SREBF1: variants seen among roughly 807,000 people sequenced by gnomAD.
The protein encoded by SREBF1 is sterol regulatory element-binding protein 1.
Under a neutral mutation model 100.1 loss-of-function variants are expected in SREBF1, and 45 were observed. That is an observed-to-expected ratio of 0.45 (90% CI 0.35 to 0.58). SREBF1 has a LOEUF of 0.58. Among genes scored for constraint, SREBF1 ranks in the 20% least tolerant of loss-of-function variants. The pLI is 0.00. For missense variants in SREBF1, 1,324 were observed against 1,539.4 expected (o/e 0.86, Z 2.34); for synonymous variants, 657 against 681.8 (o/e 0.96, Z 0.57).
chr17:17,829,203 A>AT (rs1555572767), intron 1 of SREBF1, among the ~76,000 whole-genome samples: 2 of 36,122 alleles, frequency 5.5e-5, no homozygotes, highest in South Asian at 1.2e-3. Context: ...AAAAAAAAAA[A>AT]AAATATATAT....
chr17:17,815,902 T>G lies in SREBF1; in HGVS notation c.2341A>C (p.Ser781Arg). 1 of 1,612,986 alleles carries G rather than the reference T, an allele frequency of 6.2e-7. No individual in the cohort carries two copies. The highest frequency in any genetic ancestry group is 2.2e-5 in the East Asian group (1 of 44,876). Reference protein sequence around the residue: ...FFVDGDWSVLSTPWESLYSLA... With the variant: ...FFVDGDWSVLRTPWESLYSLA... ...CTGTACAGGCTCTCCCATGGGGTACTGAGCACGGACCAGTCCCCATCCACG... is the reference window on the plus strand; with the variant it reads ...CTGTACAGGCTCTCCCATGGGGTACGGAGCACGGACCAGTCCCCATCCACG... The change falls in exon 12 of 19, where the codon AGT (serine) becomes CGT (arginine). Residue 781 changes from serine (S) to arginine (R), a missense_variant. Transcript: ENST00000261646.
chr17:17,819,488 T>G (rs751097981), intron 3 of SREBF1, 34 bp from the exon 4 acceptor site: 1 of 1,613,394 alleles, frequency 6.2e-7, no homozygotes, highest in Non-Finnish European at 8.5e-7. Context: ...GTAAGCTGTG[T>G]GTCTGGGCTG....
At position 17,819,572 on chromosome 17, in the gene SREBF1, G is replaced by A. The variant is rs70937019; in HGVS notation, c.677C>T (p.Thr226Met). ...VTAAPTAAPV[T>M]TTVTSQIQQV... is the part of the protein sequence containing the mutation. Reference sequence around the variant, plus strand: ...CTGGATCTGCGAGGTCACAGTGGTCGTTACAGGGGCTGCCGTGGGGGCAGC... The same window carrying A: ...CTGGATCTGCGAGGTCACAGTGGTCATTACAGGGGCTGCCGTGGGGGCAGC... The change falls in exon 3 of 19, where the codon ACG becomes ATG. Residue 226 changes from threonine to methionine, a missense_variant. Thr to Met is a moderately conservative substitution (Grantham distance 81, BLOSUM62 -1). Transcript: ENST00000261646. 368 of 1,613,742 alleles carry A rather than the reference G, an allele frequency of 2.3e-4. No homozygotes were observed. The highest frequency in any genetic ancestry group is 2.9e-4 in the Non-Finnish European group (338 of 1,180,002).
rs1168425356 is a variant in SREBF1, at chr17:17,824,989, A to G, written c.92-4468T>C. Among the ~76,000 whole-genome samples the G allele has an allele frequency of 1.3e-5, 2 of 152,142 alleles. No individual in the cohort carries two copies. Among genetic ancestry groups the G allele is most frequent in the Non-Finnish European group, 2.9e-5 (2 of 68,002 alleles). ...GCGGGTGTTCCCTCACCCCCAAAACAAAACACAGCATTGCTCTTGGCAAAG... is the reference window on the plus strand; with the variant it reads ...GCGGGTGTTCCCTCACCCCCAAAACGAAACACAGCATTGCTCTTGGCAAAG... On this transcript the variant is annotated intron_variant, in intron 1 of 18. Coordinates refer to ENST00000261646, the MANE Select transcript of SREBF1 (RefSeq NM_004176.5). This position sits in a 1 kb window ranked among gnomAD's most constrained non-coding sequence, Gnocchi z 4.2.
At chr17:17,820,021 C>G (rs2033968872) in intron 2 of SREBF1, 69 bp downstream of exon 2, 4 of 1,499,096 alleles carry the variant, frequency 2.7e-6, no homozygotes, top group Admixed American at 2.0e-5. Context: ...CACATCACAG[C>G]AGAAGCTTCT....
At chr17:17,826,301 AGGGGAGTTAAC>A in intron 1 of SREBF1, among the ~76,000 whole-genome samples, 1 of 144,856 alleles carries the variant, frequency 6.9e-6, no homozygotes, top group East Asian at 2.0e-4. Flanking sequence ...TTTTTTTTTA[AGGGGAGTTAAC>A]GGGGCCAGTC....
intron 15 of SREBF1, 98 bp from the exon 16 acceptor site, chr17:17,814,508 G>T: frequency 6.5e-7 from 1 of 1,536,328 alleles, no homozygotes; most frequent in South Asian, 1.2e-5. Flanking sequence ...GAGGAAAAAA[G>T]GTGGTGACTC....
Position 17,815,964 on chromosome 17 carries a change from A to G in SREBF1, c.2279T>C (p.Met760Thr). The change falls in exon 12 of 19, where the codon ATG (methionine) becomes ACG (threonine). Residue 760 changes from methionine (M) to threonine (T), a missense_variant. Coordinates refer to ENST00000261646, the MANE Select transcript of SREBF1 (RefSeq NM_004176.5). ...GCCCACGGGGTGGCAGAGCCACTGC[A>G]TGGCAGGAGGCACTGAGCCACTCTG... ...LAQSGSVPPA[M>T]QWLCHPVGHR... 6.2e-7 allele frequency: 1 copy of G among 1,612,842 alleles called. No individual in the cohort carries two copies. The highest frequency in any genetic ancestry group is 8.5e-7 in the Non-Finnish European group (1 of 1,179,900).
intron 1 of SREBF1, 96 bp from the exon 2 acceptor site, chr17:17,820,617 T>C: frequency 7.5e-7 from 1 of 1,338,416 alleles, no homozygotes; most frequent in Non-Finnish European, 1.0e-6. Context: ...TGCACAACCC[T>C]TGTTGGCACA....
rs1176465118 is a variant in SREBF1 at position 17,811,885 on chromosome 17, A to G, written c.*737T>C. ...CATGTGCCCTGGGAGCAGGGGGAACAGGTAGGCTGGAGGCCATACAGCCAG... is the reference window on the plus strand; with the variant it reads ...CATGTGCCCTGGGAGCAGGGGGAACGGGTAGGCTGGAGGCCATACAGCCAG... On this transcript the variant is annotated 3_prime_UTR_variant, in exon 19 of 19. Transcript: ENST00000261646. 2 of 435,118 alleles carry G rather than the reference A, an allele frequency of 4.6e-6. No individual in the cohort carries two copies. The highest frequency in any genetic ancestry group is 9.1e-6 in the Non-Finnish European group (2 of 219,244). 27.0% of individuals were successfully genotyped at this position (435,118 alleles called of 1,614,324 possible).
At chr17:17,821,364 C>T (rs560896575) in intron 1 of SREBF1, among the ~76,000 whole-genome samples, 5 of 152,172 alleles carry the variant, frequency 3.3e-5, no homozygotes, top group East Asian at 3.9e-4. Flanking sequence ...ATGTGTGAAA[C>T]GGGGGGCACG....
chr17:17,836,588 G>A, intron 1 of SREBF1, 139 bp downstream of exon 1: 2 of 857,048 alleles, frequency 2.3e-6, no homozygotes. Flanking sequence ...GGGACACCGA[G>A]CTCAGAGACA....
At position 17,820,423 on chromosome 17, in the gene SREBF1, G is replaced by T. The variant is rs1338608264; in HGVS notation, c.190C>A (p.Pro64Thr). The change falls in exon 2 of 19, where the codon CCC (proline) becomes ACC (threonine). Residue 64 changes from proline to threonine, a missense_variant. Transcript: ENST00000261646. ...SGAGGTDPASPDTSSPGSLSP... is the reference protein window; with the variant it reads ...SGAGGTDPASTDTSSPGSLSP... ...AAGCTGCCTGGGGAGCTGGTATCGGGGCTGGCAGGGTCTGTGCCCCCTGCC... is the reference window on the plus strand; with the variant it reads ...AAGCTGCCTGGGGAGCTGGTATCGGTGCTGGCAGGGTCTGTGCCCCCTGCC... The T allele has an allele frequency of 2.5e-6, 4 of 1,613,488 alleles. No homozygotes were observed. Among genetic ancestry groups the T allele is most frequent in the Non-Finnish European group, 3.4e-6 (4 of 1,179,682 alleles).
rs761664089 is a variant in SREBF1, at chr17:17,813,729, C to G, written c.2942G>C (p.Arg981Pro). Residue 981 changes from arginine to proline, a missense_variant, in exon 17 of 19, where the codon CGC becomes CCC. By Grantham distance (103) the Arg-to-Pro change is moderately radical. Transcript: ENST00000261646. ...LFLCDLLLVV[R>P]TSLWRQQQPP... ...CTGCTGCTGCCGCCACAGGCTGGTG[C>G]GCACCACAAGAAGCAGGTCACACAG... is the stretch of plus-strand genomic sequence containing the variant. The G allele has an allele frequency of 6.5e-7, 1 of 1,535,688 alleles. No individual in the cohort carries two copies.
chr17:17,816,888 G>A, intron 9 of SREBF1, 70 bp downstream of exon 9: 4 of 1,606,124 alleles, frequency 2.5e-6, no homozygotes, highest in Non-Finnish European at 3.4e-6. Flanking sequence ...GCAGGAACAA[G>A]GGTTGACACC....
At chr17:17,813,819 G>A (rs2033222992) in intron 16 of SREBF1, 50 bp from the exon 17 acceptor site, 1 of 1,510,442 alleles carries the variant, frequency 6.6e-7, no homozygotes, top group Non-Finnish European at 8.9e-7. Context: ...GCTCTGGGAG[G>A]GGCAGGATGG....
intron 6 of SREBF1, 172 bp from the exon 7 acceptor site, chr17:17,818,088 A>C (rs2143014451): frequency 1.3e-6 from 1 of 795,576 alleles, no homozygotes; most frequent in East Asian, 2.8e-5. Context: ...TCAGGACCAG[A>C]GGTAACCAAG....
intron 1 of SREBF1, among the ~76,000 whole-genome samples, chr17:17,833,849 A>G (rs1185966910): frequency 6.6e-6 from 1 of 152,042 alleles, no homozygotes; most frequent in Non-Finnish European, 1.5e-5. Flanking sequence ...GTGGCGGTGC[A>G]TGACTGTAAT....
In SREBF1 at chr17:17,819,449, C is replaced by G; in HGVS notation, c.717G>C (p.Leu239=). The G allele has an allele frequency of 1.2e-6, 2 of 1,613,778 alleles. No individual in the cohort carries two copies. The highest frequency in any genetic ancestry group is 2.2e-5 in the South Asian group (2 of 91,082). Reference sequence around the variant, plus strand: ...CTGCCTTGATGAAGTGGGGCTGCAGCAGGACCTGAGGGTGGGAGAGGCTTG... The same window carrying G: ...CTGCCTTGATGAAGTGGGGCTGCAGGAGGACCTGAGGGTGGGAGAGGCTTG... ...VTSQIQQVPV[L]LQPHFIKADS... is the part of the protein sequence containing the mutation. The change falls in exon 4 of 19, where the codon CTG becomes CTC. Residue 239 remains leucine (L), a synonymous_variant. Coordinates refer to ENST00000261646, the MANE Select transcript of SREBF1 (RefSeq NM_004176.5).
Sources: gnomAD v4.1 joint callset for allele counts (sites outside exome capture counted in the v4.1 genomes callset) on GRCh38, gnomAD v4.1.1 for gene constraint, Gnocchi (gnomAD v3.1) non-coding constraint, MANE v1.5 for transcripts, NCBI Gene and HGNC (gene_info 2026-07-23, HGNC 2026-07-21) for gene names.